Variants in GALNT13 observed in about 807,000 individuals in gnomAD.
GALNT13 encodes polypeptide N-acetylgalactosaminyltransferase 13.
Under a neutral mutation model 64.2 loss-of-function variants are expected in GALNT13, and 28 were observed. The ratio of observed to expected loss-of-function variants is 0.44; its 90% CI spans 0.32 to 0.60. The LOEUF (loss-of-function observed/expected upper bound fraction) is 0.60. GALNT13 is among the 20% of genes least tolerant of loss of function. The pLI is 0.05. For missense variants in GALNT13, 577 were observed against 669.8 expected (o/e 0.86, Z 1.53); for synonymous variants, 214 against 224.6 (o/e 0.95, Z 0.42).
chr2:153,079,901 G>C, the GALNT13 span, among the ~76,000 whole-genome samples: 1 of 152,156 alleles, frequency 6.6e-6, no homozygotes, highest in Non-Finnish European at 1.5e-5. Context: ...CTAACCCTCG[G>C]GGGCAGTCCC....
chr2:154,023,715 G>A (rs990776945), intron 3 of GALNT13, among the ~76,000 whole-genome samples: 3 of 152,112 alleles, frequency 2.0e-5, no homozygotes, highest in Non-Finnish European at 4.4e-5. Flanking sequence ...ATGTTGTTAT[G>A]TATGAATTTG....
chr2:154,011,005 A>G (rs1305175739), intron 3 of GALNT13, among the ~76,000 whole-genome samples: 1 of 151,710 alleles, frequency 6.6e-6, no homozygotes, highest in Non-Finnish European at 1.5e-5. Context: ...TTCTTTATTC[A>G]TATAGCTAGT....
At chr2:154,332,906 A>G (rs533458437) in intron 9 of GALNT13, among the ~76,000 whole-genome samples, 20 of 151,990 alleles carry the variant, frequency 1.3e-4, no homozygotes, top group African/African-American at 4.6e-4. Context: ...TGTCGTAGAA[A>G]CACAAAAAAC....
At chr2:153,786,480 A>G in the GALNT13 span, among the ~76,000 whole-genome samples, 2 of 152,024 alleles carry the variant, frequency 1.3e-5, no homozygotes, top group African/African-American at 4.8e-5. Context: ...GGCATTTGAC[A>G]ACTCCTCTGC....
At chr2:153,520,532 A>G in the GALNT13 span, among the ~76,000 whole-genome samples, 26 of 152,146 alleles carry the variant, frequency 1.7e-4, no homozygotes, top group African/African-American at 1.9e-4. Flanking sequence ...GGAATGCTTC[A>G]TTTCTTTATT....
At chr2:153,675,005 C>T in the GALNT13 span, among the ~76,000 whole-genome samples, 26,074 of 152,200 alleles carry the variant, frequency 0.17, 2,775 homozygotes, top group Non-Finnish European at 0.23. Flanking sequence ...GATACCATCT[C>T]ATGCAAGTTA....
the GALNT13 span, among the ~76,000 whole-genome samples, chr2:153,210,123 A>C: frequency 4.6e-5 from 7 of 152,074 alleles, no homozygotes. Context: ...GCCATCTGTG[A>C]ATAGAGACAG....
intron 3 of GALNT13, among the ~76,000 whole-genome samples, chr2:154,047,558 A>G (rs1699353099): frequency 6.6e-6 from 1 of 152,200 alleles, no homozygotes; most frequent in Non-Finnish European, 1.5e-5. Context: ...GAACAAGAGT[A>G]ATAATAGTTG....
intron 9 of GALNT13, among the ~76,000 whole-genome samples, chr2:154,361,633 G>T (rs1326943207): frequency 6.6e-6 from 1 of 152,000 alleles, no homozygotes; most frequent in African/African-American, 2.4e-5. Context: ...AGTGTAAAGT[G>T]CTTAGCCCAT....
the GALNT13 span, among the ~76,000 whole-genome samples, chr2:153,485,735 A>G: frequency 6.6e-6 from 1 of 151,848 alleles, no homozygotes; most frequent in Admixed American, 6.6e-5. Context: ...CATCTCTATA[A>G]AAAAATAAAA....
chr2:154,225,072 C>T (rs1240866623), intron 4 of GALNT13, among the ~76,000 whole-genome samples: 1 of 149,338 alleles, frequency 6.7e-6, no homozygotes, highest in Non-Finnish European at 1.5e-5. Context: ...GAATGAAAGA[C>T]TAGAAAGGAC....
At chr2:153,402,648 A>C in the GALNT13 span, among the ~76,000 whole-genome samples, 7 of 151,582 alleles carry the variant, frequency 4.6e-5, no homozygotes, top group African/African-American at 1.2e-4. Context: ...TTTTTCTCTA[A>C]ACTTCCCTTC....
chr2:153,776,376 C>G, the GALNT13 span, among the ~76,000 whole-genome samples: 2 of 152,190 alleles, frequency 1.3e-5, no homozygotes, highest in Non-Finnish European at 2.9e-5. Context: ...CTTTGAGAGG[C>G]TATAAAATTT....
chr2:154,287,169 A>G, intron 8 of GALNT13: 1 of 1,479,862 alleles, frequency 6.8e-7, no homozygotes, highest in Non-Finnish European at 9.3e-7. Flanking sequence ...GAAGCCAAAC[A>G]ATTGGCTCAG....
the GALNT13 span, among the ~76,000 whole-genome samples, chr2:153,442,297 C>T: frequency 7.2e-5 from 11 of 152,178 alleles, 1 homozygote; most frequent in East Asian, 9.7e-4. Context: ...AGGATGAAGC[C>T]GACTTGATCA....
At chr2:154,346,553 C>T (rs938635552) in intron 9 of GALNT13, among the ~76,000 whole-genome samples, 1 of 152,048 alleles carries the variant, frequency 6.6e-6, no homozygotes. Flanking sequence ...GGAGTTTCCT[C>T]TTTTGCTTGG....
chr2:153,728,852 A>G, the GALNT13 span, among the ~76,000 whole-genome samples: 4 of 152,350 alleles, frequency 2.6e-5, no homozygotes, highest in Admixed American at 6.5e-5. Flanking sequence ...AGAGAATACT[A>G]TAAACACCTC....
intron 9 of GALNT13, among the ~76,000 whole-genome samples, chr2:154,395,725 GTTAA>G (rs533398541): frequency 1.5e-4 from 23 of 152,052 alleles, no homozygotes; most frequent in African/African-American, 3.9e-4. Context: ...TTTACATTTA[GTTAA>G]TTAATTATTC....
the GALNT13 span, among the ~76,000 whole-genome samples, chr2:153,296,004 G>A: frequency 1.6e-4 from 25 of 152,182 alleles, 1 homozygote; most frequent in East Asian, 4.3e-3. Context: ...ACATTAGAGC[G>A]CCCACTCAGT....
Sources: gnomAD v4.1 joint callset for allele counts (sites outside exome capture counted in the v4.1 genomes callset) on GRCh38, gnomAD v4.1.1 for gene constraint, MANE v1.5 for transcripts, NCBI Gene and HGNC (gene_info 2026-07-23, HGNC 2026-07-21) for gene names.